The following PHKB variants were observed in gnomAD, a reference collection of about 807,000 sequenced individuals.
PHKB encodes the protein phosphorylase b kinase regulatory subunit beta.
In PHKB, 122 loss-of-function variants were observed where a neutral mutation model predicts 152.1. The observed-to-expected ratio is 0.80, with a 90% CI of 0.69 to 0.93. The LOEUF is 0.93. PHKB is among the 40% of genes least tolerant of loss of function. The probability of loss-of-function intolerance (pLI) is 0.00; values close to 1 mark genes in which losing one functional copy is unlikely to be tolerated. For synonymous variants in PHKB, 436 were observed against 464.9 expected, an observed-to-expected ratio of 0.94 and a Z score of 0.80; for missense variants, 1,304 against 1,328.4, an observed-to-expected ratio of 0.98 and a Z score of 0.29.
rs559708023 is a variant in PHKB, at chr16:47,618,030, C to T, written c.1458+7110C>T. Among the ~76,000 whole-genome samples, 7 of 152,338 alleles carry T rather than the reference C, an allele frequency of 4.6e-5. No homozygotes were observed. The East Asian group carries it at 1.2e-3, about 25-fold the overall frequency. ...TTTAATCAGTCCTTCTATTCACTTC[C>T]GCTTCTCCCACCTTTACTCCATTGT... On this transcript the variant is annotated intron_variant, in intron 14 of 30. Transcript: ENST00000323584.
intron 7 of PHKB, among the ~76,000 whole-genome samples, chr16:47,564,398 G>A (rs1971529715): frequency 6.6e-6 from 1 of 152,018 alleles, no homozygotes; most frequent in South Asian, 2.1e-4. Flanking sequence ...ATCTCACTGT[G>A]GTTTTAATAT....
At chr16:47,493,838 T>C (rs2151639992) in intron 1 of PHKB, among the ~76,000 whole-genome samples, 1 of 152,338 alleles carries the variant, frequency 6.6e-6, no homozygotes, top group African/African-American at 2.4e-5. Flanking sequence ...GTTTAAACTA[T>C]AGAAAAGGTT....
At chr16:47,597,278 G>A (rs1972136567) in intron 13 of PHKB, among the ~76,000 whole-genome samples, 1 of 152,110 alleles carries the variant, frequency 6.6e-6, no homozygotes, top group Admixed American at 6.6e-5. Flanking sequence ...ATACTGTTAT[G>A]ATTTTTGTTG....
At chr16:47,698,689 A>G (rs1485501686) in intron 30 of PHKB, 101 bp downstream of exon 30, 5 of 1,099,772 alleles carry the variant, frequency 4.5e-6, no homozygotes, top group Non-Finnish European at 6.4e-6. Context: ...TTTATAAAAC[A>G]GATTCACAGG....
At chr16:47,462,239 A>G (rs1208128180) in intron 1 of PHKB, 1 of 152,272 alleles carries the variant, frequency 6.6e-6, no homozygotes, top group African/African-American at 2.4e-5. Context: ...GTTTTCAGCT[A>G]AGGAGCTTCC....
At chr16:47,629,338 A>G (rs1474413750) in intron 14 of PHKB, among the ~76,000 whole-genome samples, 2 of 152,066 alleles carry the variant, frequency 1.3e-5, no homozygotes, top group Non-Finnish European at 2.9e-5. Flanking sequence ...AAAAAAACAA[A>G]CAACCCCATC....
intron 14 of PHKB, among the ~76,000 whole-genome samples, chr16:47,617,363 G>T (rs900149739): frequency 1.6e-4 from 24 of 151,238 alleles, no homozygotes; most frequent in African/African-American, 5.8e-4. Context: ...ATGTATCATT[G>T]TAGCTATTGC....
At chr16:47,642,667 G>C (rs1004975502) in intron 16 of PHKB, among the ~76,000 whole-genome samples, 12 of 152,128 alleles carry the variant, frequency 7.9e-5, no homozygotes, top group Non-Finnish European at 1.3e-4. Flanking sequence ...TGTTACATGG[G>C]AAAATGCAGG....
At chr16:47,492,564 A>G (rs1970167512) in intron 1 of PHKB, among the ~76,000 whole-genome samples, 1 of 152,146 alleles carries the variant, frequency 6.6e-6, no homozygotes, top group Non-Finnish European at 1.5e-5. Context: ...GGAAGGCTCT[A>G]TGGATGCATG....
intron 8 of PHKB, among the ~76,000 whole-genome samples, chr16:47,586,950 A>G (rs1309005996): frequency 2.0e-5 from 3 of 151,806 alleles, no homozygotes; most frequent in African/African-American, 7.3e-5. Context: ...ATATACGTAT[A>G]TGGGGGAATT....
chr16:47,556,276 A>C (rs977651977), intron 7 of PHKB, among the ~76,000 whole-genome samples: 1 of 152,148 alleles, frequency 6.6e-6, no homozygotes, highest in African/African-American at 2.4e-5. Flanking sequence ...CTCCTGCCTA[A>C]TTGCCCTGGC....
chr16:47,639,399 G>T (rs73534794), intron 14 of PHKB, among the ~76,000 whole-genome samples: 1 of 152,104 alleles, frequency 6.6e-6, no homozygotes, highest in African/African-American at 2.4e-5. Flanking sequence ...GGGGCTGCCC[G>T]TGCTGAATTC....
intron 5 of PHKB, among the ~76,000 whole-genome samples, chr16:47,514,870 T>C (rs1244885118): frequency 6.6e-6 from 1 of 152,270 alleles, no homozygotes; most frequent in Non-Finnish European, 1.5e-5. Context: ...CTATTTTTAA[T>C]ACACTAAAAT....
intron 13 of PHKB, among the ~76,000 whole-genome samples, chr16:47,610,159 A>ATTTTTTT (rs371224839): frequency 4.4e-4 from 44 of 99,430 alleles, no homozygotes; most frequent in Middle Eastern, 5.9e-3. Context: ...TGCCCAGCTA[A>ATTTTTTT]TTTTTTTTTT....
chr16:47,651,392 AC>A (rs376094931), intron 20 of PHKB, among the ~76,000 whole-genome samples: 79 of 152,210 alleles, frequency 5.2e-4, no homozygotes, highest in African/African-American at 1.7e-3. Flanking sequence ...CTCCTACTAA[AC>A]ACTCTTTGTG....
chr16:47,521,548 G>A (rs1375008405), intron 6 of PHKB, among the ~76,000 whole-genome samples: 1 of 152,030 alleles, frequency 6.6e-6, no homozygotes, highest in Non-Finnish European at 1.5e-5. Flanking sequence ...CCAGCTACTG[G>A]AGAGGCTGAA....
chr16:47,653,953 C>A (rs1973285229), intron 20 of PHKB, among the ~76,000 whole-genome samples: 1 of 152,160 alleles, frequency 6.6e-6, no homozygotes, highest in Non-Finnish European at 1.5e-5. Context: ...TCAATAAATA[C>A]TTCAGACTTC....
intron 26 of PHKB, among the ~76,000 whole-genome samples, chr16:47,673,524 A>G (rs188504914): frequency 1.1e-3 from 172 of 152,288 alleles, no homozygotes; most frequent in African/African-American, 4.1e-3. Context: ...TACAGAAGAT[A>G]TCAGGATGTA....
In PHKB at chr16:47,523,877, A is replaced by G. The variant is rs145950943; in HGVS notation, c.594+8276A>G. ...GGAGCTGTCAGACATTCAAATAGTA[A>G]CAGTTTACTAAGATGGTGATTTGGG... On this transcript the variant is annotated intron_variant, in intron 6 of 30. Coordinates refer to ENST00000323584, the MANE Select transcript of PHKB (RefSeq NM_000293.3). 5.4e-3 allele frequency among the ~76,000 whole-genome samples: 815 copies of G among 152,304 alleles called. 7 individuals are homozygous for G. Among genetic ancestry groups the G allele is most frequent in the Middle Eastern group, 0.037 (11 of 294 alleles).
Sources: gnomAD v4.1 joint callset for allele counts (sites outside exome capture counted in the v4.1 genomes callset) on GRCh38, gnomAD v4.1.1 for gene constraint, MANE v1.5 for transcripts, NCBI Gene and HGNC (gene_info 2026-07-23, HGNC 2026-07-21) for gene names.